The following CAMK1D variants were observed in gnomAD, a reference collection of about 807,000 sequenced individuals.
The protein encoded by CAMK1D is calcium/calmodulin-dependent protein kinase type 1D.
In CAMK1D, 9 loss-of-function variants were observed where a neutral mutation model predicts 47.7. The observed-to-expected ratio is 0.19, with a 90% CI of 0.11 to 0.33. The LOEUF is 0.33. Ranked by LOEUF, CAMK1D falls within the 10% of genes least tolerant of loss-of-function variation. The probability of loss-of-function intolerance (pLI) is 1.00; values close to 1 mark genes in which losing one functional copy is unlikely to be tolerated. For synonymous variants in CAMK1D, 184 were observed against 184.9 expected, an observed-to-expected ratio of 0.99 and a Z score of 0.04; for missense variants, 291 against 488.7, an observed-to-expected ratio of 0.60 and a Z score of 3.81.
intron 1 of CAMK1D, among the ~76,000 whole-genome samples, chr10:12,548,848 A>G (rs1836488344): frequency 6.6e-6 from 1 of 151,960 alleles, no homozygotes; most frequent in African/African-American, 2.4e-5. Flanking sequence ...ATGCATCTCC[A>G]GAAACTTTTT....
chr10:12,627,080 T>G (rs1839239915), intron 2 of CAMK1D, among the ~76,000 whole-genome samples: 1 of 12,258 alleles, frequency 8.2e-5, no homozygotes, highest in East Asian at 3.7e-3. Context: ...GGGCTATAAT[T>G]TTTTTTTTTT....
chr10:12,820,700 G>A (rs533737459), intron 8 of CAMK1D, among the ~76,000 whole-genome samples: 2 of 152,224 alleles, frequency 1.3e-5, no homozygotes, highest in Non-Finnish European at 2.9e-5. Flanking sequence ...CTTCAGACAG[G>A]AGAGGGGTCT....
chr10:12,366,139 G>A (rs1295970437), intron 1 of CAMK1D, among the ~76,000 whole-genome samples: 1 of 152,254 alleles, frequency 6.6e-6, no homozygotes, highest in Non-Finnish European at 1.5e-5. Context: ...CAGGCTTCCT[G>A]TAGAAGTTGG....
chr10:12,761,165 G>A, intron 4 of CAMK1D, 79 bp downstream of exon 4: 1 of 1,524,702 alleles, frequency 6.6e-7, no homozygotes, highest in African/African-American at 1.4e-5. Flanking sequence ...GATGCCAGTG[G>A]GGGCATGCAG....
At position 12,397,150 on chromosome 10, in the gene CAMK1D, G is replaced by A. The variant is rs975085246; in HGVS notation, c.92+47240G>A. Among the ~76,000 whole-genome samples the A allele has an allele frequency of 3.9e-5, 6 of 152,270 alleles. 1 individual carries two copies. The highest frequency in any genetic ancestry group is 3.9e-4 in the Admixed American group (6 of 15,292). On this transcript the variant is annotated intron_variant, in intron 1 of 10. Coordinates refer to ENST00000619168, the MANE Select transcript of CAMK1D (RefSeq NM_153498.4). ...GTGATTAAAATAAGGATTTTTCTAT[G>A]AGCTTTGGTGCCCAGTTAAGATTAT...
At chr10:12,775,128 G>GCAAGGGTTTA in intron 5 of CAMK1D, among the ~76,000 whole-genome samples, 3 of 74 alleles carry the variant, frequency 0.041, no homozygotes. Context: ...GCATTGATCA[G>GCAAGGGTTTA]GTGAGACTGT....
intron 2 of CAMK1D, among the ~76,000 whole-genome samples, chr10:12,609,441 C>T (rs1564443076): frequency 6.6e-6 from 1 of 152,156 alleles, no homozygotes; most frequent in Non-Finnish European, 1.5e-5. Flanking sequence ...AATAATTCTA[C>T]CACTTATCAT....
chr10:12,811,373 G>A (rs1036547637), intron 6 of CAMK1D, among the ~76,000 whole-genome samples: 10 of 152,122 alleles, frequency 6.6e-5, no homozygotes, highest in Admixed American at 6.5e-4. Context: ...ACACAAACCT[G>A]CTAATGACAT....
chr10:12,821,377 A>G (rs961043234), intron 8 of CAMK1D, among the ~76,000 whole-genome samples: 1 of 152,176 alleles, frequency 6.6e-6, no homozygotes, highest in African/African-American at 2.4e-5. Flanking sequence ...GTGTTCGCCG[A>G]ACCCCCGCTC....
chr10:12,563,664 T>TGAGAGAGAGAGAGAGAGAGAGAGAGAGA (rs373932374), intron 2 of CAMK1D, among the ~76,000 whole-genome samples: 11 of 130,138 alleles, frequency 8.5e-5, no homozygotes, highest in East Asian at 7.8e-4. Flanking sequence ...GCGGAAGGTT[T>TGAGAGAGAGAGAGAGAGAGAGAGAGAGA]GAGAGAGAGA....
chr10:12,728,643 C>T (rs1469383686), intron 3 of CAMK1D, among the ~76,000 whole-genome samples: 11 of 152,206 alleles, frequency 7.2e-5, no homozygotes, highest in African/African-American at 9.7e-5. Flanking sequence ...AATGGCTTTG[C>T]GCTGTGGACA....
At chr10:12,609,114 G>A (rs1300082664) in intron 2 of CAMK1D, among the ~76,000 whole-genome samples, 1 of 152,212 alleles carries the variant, frequency 6.6e-6, no homozygotes, top group Non-Finnish European at 1.5e-5. Flanking sequence ...GAGATAAAGG[G>A]TACTGTAAAA....
intron 1 of CAMK1D, among the ~76,000 whole-genome samples, chr10:12,508,727 C>T (rs1015093955): frequency 2.6e-5 from 4 of 152,168 alleles, no homozygotes; most frequent in Non-Finnish European, 4.4e-5. Flanking sequence ...AACTAAACTC[C>T]CCATCCTGAG....
chr10:12,595,342 G>GA lies in CAMK1D; in HGVS notation c.224+42008dup, dbSNP rs535214333. Among the ~76,000 whole-genome samples, 5 of 23,554 alleles carry GA rather than the reference G, an allele frequency of 2.1e-4. 1 individual carries two copies. The highest frequency in any genetic ancestry group is 2.5e-3 in the East Asian group (2 of 808). 15.5% of individuals were successfully genotyped at this position (23,554 alleles called of 152,430 possible). ...GGGCAACAAGAGTGAAACTCCATCT[G>GA]AAAAAAAAAAAAAAAAAAAAAAGGA... On this transcript the variant is annotated intron_variant, in intron 2 of 10. Transcript: ENST00000619168.
At chr10:12,800,189 G>A (rs148603191) in intron 6 of CAMK1D, among the ~76,000 whole-genome samples, 48 of 152,194 alleles carry the variant, frequency 3.2e-4, no homozygotes, top group Non-Finnish European at 6.0e-4. Flanking sequence ...TCAAATATAC[G>A]GTTACTGAAA....
At chr10:12,393,176 C>T (rs1045943871) in intron 1 of CAMK1D, among the ~76,000 whole-genome samples, 2 of 151,954 alleles carry the variant, frequency 1.3e-5, no homozygotes, top group East Asian at 1.9e-4. Flanking sequence ...GGACTACAGG[C>T]GCCCACCACC....
intron 8 of CAMK1D, among the ~76,000 whole-genome samples, chr10:12,816,865 T>A: frequency 8.8e-6 from 1 of 113,880 alleles, no homozygotes; most frequent in Non-Finnish European, 1.7e-5. Context: ...AGAGCAAAAC[T>A]CTGTCTCAAA....
At chr10:12,365,109 A>T (rs1837792235) in intron 1 of CAMK1D, among the ~76,000 whole-genome samples, 1 of 151,852 alleles carries the variant, frequency 6.6e-6, no homozygotes, top group South Asian at 2.1e-4. Flanking sequence ...GGTATACACC[A>T]CCACGCCAGG....
rs145704582 is a variant in CAMK1D, at chr10:12,543,731, C to T, written c.93-9494C>T. On this transcript the variant is annotated intron_variant, in intron 1 of 10. Coordinates refer to ENST00000619168, the MANE Select transcript of CAMK1D (RefSeq NM_153498.4). ...TTTCAGAGAACTCAGGAAGAAAAGG[C>T]ATTCCCAGAGCCCAGCCCACTTCTT... Among the ~76,000 whole-genome samples the T allele has an allele frequency of 1.1e-3, 164 of 152,278 alleles. 1 individual carries two copies. Among genetic ancestry groups the T allele is most frequent in the African/African-American group, 3.1e-3 (128 of 41,556 alleles).
Sources: allele counts gnomAD v4.1 joint callset (sites outside exome capture counted in the v4.1 genomes callset), GRCh38; gene constraint gnomAD v4.1.1; transcripts MANE v1.5; gene names NCBI Gene and HGNC (gene_info 2026-07-23, HGNC 2026-07-21).